The following RAI14 variants were observed in gnomAD, a reference collection of about 807,000 sequenced individuals.
RAI14 encodes the protein ankycorbin.
Under a neutral mutation model 115.4 loss-of-function variants are expected in RAI14, and 45 were observed. The ratio of observed to expected loss-of-function variants is 0.39; its 90% CI spans 0.31 to 0.50. The LOEUF (loss-of-function observed/expected upper bound fraction) is 0.50. Among genes scored for constraint, RAI14 ranks in the 20% least tolerant of loss-of-function variants. The probability of loss-of-function intolerance (pLI) is 0.85; values close to 1 mark genes in which losing one functional copy is unlikely to be tolerated. For synonymous variants in RAI14, 371 were observed against 415.4 expected, an observed-to-expected ratio of 0.89 and a Z score of 1.30; for missense variants, 939 against 1,131.2, an observed-to-expected ratio of 0.83 and a Z score of 2.44.
chr5:34,668,363 C>T (rs1487272190), intron 1 of RAI14, among the ~76,000 whole-genome samples: 1 of 150,794 alleles, frequency 6.6e-6, no homozygotes, highest in Non-Finnish European at 1.5e-5. Context: ...CATTGCACTC[C>T]AGCCTAGGCA....
At position 34,800,307 on chromosome 5, in the gene RAI14, C is replaced by T. The variant is rs368388520; in HGVS notation, c.257-3405C>T. ...GGTTCTTAGACTACTTGTAATAGTC[C>T]AAGACTCTTAATTTATAAATATCAC... On this transcript the variant is annotated intron_variant, in intron 4 of 17. Transcript: ENST00000265109. 8.5e-5 allele frequency among the ~76,000 whole-genome samples: 13 copies of T among 152,186 alleles called. No homozygotes were observed. The South Asian group carries it at 2.5e-3, about 29-fold the overall frequency.
At chr5:34,662,779 A>T (rs1346713405) in intron 1 of RAI14, among the ~76,000 whole-genome samples, 1 of 116,836 alleles carries the variant, frequency 8.6e-6, no homozygotes, top group Non-Finnish European at 1.6e-5. Context: ...CCCACGCGGG[A>T]GTGCAATAGG....
rs57115550 is a variant in RAI14, at chr5:34,799,685, A to ATTTTTTTTTTTTTTTT, written c.256+3665_256+3680dup. On this transcript the variant is annotated intron_variant, in intron 4 of 17. Coordinates refer to ENST00000265109, the MANE Select transcript of RAI14 (RefSeq NM_015577.3). Reference sequence around the variant, plus strand: ...GTTATAGAAGCAAGAATCTGTTAGCATTTTTTTTTTTTTTTTTTTTTTGAC... The same window carrying ATTTTTTTTTTTTTTTT: ...GTTATAGAAGCAAGAATCTGTTAGCATTTTTTTTTTTTTTTTTTTTTTTTTTTTTTTTTTTTTTGAC... Among the ~76,000 whole-genome samples the ATTTTTTTTTTTTTTTT allele has an allele frequency of 2.9e-4, 30 of 103,398 alleles. 3 individuals carry two copies. The highest frequency in any genetic ancestry group is 1.1e-3 in the African/African-American group (29 of 25,384). The allele number at this position is 103,398 out of a possible 152,430, so 67.8% of individuals were successfully genotyped here. A position where few individuals can be genotyped will look rare whatever the true frequency, so the allele number is the denominator to read the frequency against.
At chr5:34,789,811 C>T (rs141055884) in intron 3 of RAI14, among the ~76,000 whole-genome samples, 2 of 152,180 alleles carry the variant, frequency 1.3e-5, no homozygotes, top group Admixed American at 6.5e-5. Flanking sequence ...TTCTTGTATT[C>T]GTCAACAACC....
intron 1 of RAI14, among the ~76,000 whole-genome samples, chr5:34,674,408 C>T (rs1743827842): frequency 6.6e-6 from 1 of 152,116 alleles, no homozygotes; most frequent in East Asian, 1.9e-4. Flanking sequence ...AAAACTGAGT[C>T]AAAGAACCAA....
intron 2 of RAI14, among the ~76,000 whole-genome samples, chr5:34,739,254 CTTA>C (rs1490133650): frequency 6.6e-6 from 1 of 152,162 alleles, no homozygotes; most frequent in Non-Finnish European, 1.5e-5. Flanking sequence ...AGAGGCTACT[CTTA>C]TTATCTCGTG....
chr5:34,671,150 A>T (rs957374119), intron 1 of RAI14, among the ~76,000 whole-genome samples: 1 of 152,184 alleles, frequency 6.6e-6, no homozygotes, highest in Admixed American at 6.5e-5. Flanking sequence ...ACGTAGCCCC[A>T]TGGGTGCACC....
chr5:34,673,582 A>G (rs1743767245), intron 1 of RAI14, among the ~76,000 whole-genome samples: 1 of 152,152 alleles, frequency 6.6e-6, no homozygotes, highest in Non-Finnish European at 1.5e-5. Flanking sequence ...GCAACCTAAG[A>G]GTACTGACAA....
chr5:34,818,203 C>G (rs973879214), intron 12 of RAI14, among the ~76,000 whole-genome samples: 1 of 152,038 alleles, frequency 6.6e-6, no homozygotes, highest in African/African-American at 2.4e-5. Flanking sequence ...TTTGAAGTTC[C>G]AAGAATTTTT....
chr5:34,742,819 AC>A (rs908735325), intron 2 of RAI14, among the ~76,000 whole-genome samples: 1 of 152,052 alleles, frequency 6.6e-6, no homozygotes, highest in African/African-American at 2.4e-5. Flanking sequence ...GCCTGCCACC[AC>A]ACCTGGCTGA....
chr5:34,809,290 G>A (rs543433078), intron 7 of RAI14, among the ~76,000 whole-genome samples: 14 of 152,228 alleles, frequency 9.2e-5, no homozygotes, highest in African/African-American at 3.4e-4. Flanking sequence ...ACATCATTCT[G>A]TTTATAGCAT....
intron 2 of RAI14, among the ~76,000 whole-genome samples, chr5:34,693,072 T>A (rs1449168798): frequency 6.6e-6 from 1 of 152,144 alleles, no homozygotes; most frequent in Middle Eastern, 3.2e-3. Context: ...GTGCCCAGAT[T>A]CCTCCTTTAC....
chr5:34,729,827 C>A (rs1395267371), intron 2 of RAI14, among the ~76,000 whole-genome samples: 1 of 152,118 alleles, frequency 6.6e-6, no homozygotes, highest in Non-Finnish European at 1.5e-5. Context: ...TCATTTGTAA[C>A]CTGATTTCAT....
intron 4 of RAI14, 27 bp from the exon 5 acceptor site, chr5:34,803,685 A>T: frequency 6.4e-7 from 1 of 1,563,690 alleles, no homozygotes. Flanking sequence ...TTTTAAAAAA[A>T]ATTATTATTT....
At chr5:34,742,804 C>T (rs538454796) in intron 2 of RAI14, among the ~76,000 whole-genome samples, 1 of 152,282 alleles carries the variant, frequency 6.6e-6, no homozygotes, top group African/African-American at 2.4e-5. Context: ...GCTGGGATTA[C>T]AGGCGCCTGC....
At chr5:34,707,371 G>A (rs1008110876) in intron 2 of RAI14, among the ~76,000 whole-genome samples, 2 of 152,220 alleles carry the variant, frequency 1.3e-5, no homozygotes, top group Non-Finnish European at 2.9e-5. Context: ...GGAGGCTGAG[G>A]CAGGAGAATC....
In RAI14 at chr5:34,808,607, G is replaced by A. The variant is rs773584033; in HGVS notation, c.403G>A (p.Val135Met). Residue 135 changes from valine to methionine, a missense_variant, in exon 7 of 18, where the codon GTG becomes ATG. Physicochemically the swap from Val to Met is conservative, Grantham distance 21. Coordinates refer to ENST00000265109, the MANE Select transcript of RAI14 (RefSeq NM_015577.3). Reference sequence around the variant, plus strand: ...AGCGGCTCAGGGCTGCCTTCAAGCTGTGCAGATTCTCTGCGAACACAAGAG... The same window carrying A: ...AGCGGCTCAGGGCTGCCTTCAAGCTATGCAGATTCTCTGCGAACACAAGAG... The part of the protein sequence containing the change: ...YAAAQGCLQA[V>M]QILCEHKSPI... 1.9e-6 allele frequency: 3 copies of A among 1,614,070 alleles called. No homozygotes were observed. In the East Asian group the frequency reaches 6.7e-5, roughly 36 times the overall value.
At chr5:34,763,351 T>G (rs1748934976) in intron 3 of RAI14, among the ~76,000 whole-genome samples, 1 of 152,218 alleles carries the variant, frequency 6.6e-6, no homozygotes, top group African/African-American at 2.4e-5. Context: ...CCCTGTGAAA[T>G]CACCCTATGT....
intron 2 of RAI14, among the ~76,000 whole-genome samples, chr5:34,724,853 T>C (rs1242714942): frequency 6.6e-6 from 1 of 152,192 alleles, no homozygotes; most frequent in African/African-American, 2.4e-5. Context: ...TCTGTTACTC[T>C]TGTCCATTTG....
Sources: gnomAD v4.1 joint callset for allele counts (sites outside exome capture counted in the v4.1 genomes callset) on GRCh38, gnomAD v4.1.1 for gene constraint, MANE v1.5 for transcripts, NCBI Gene and HGNC (gene_info 2026-07-23, HGNC 2026-07-21) for gene names.